Variants in MAGI1 observed in about 807,000 individuals in gnomAD.
MAGI1 encodes membrane associated guanylate kinase, WW and PDZ domain containing 1.
A neutral mutation model predicts 139.9 loss-of-function variants in MAGI1; 58 were observed. That is an observed-to-expected ratio of 0.41 (90% CI 0.34 to 0.52). The LOEUF (loss-of-function observed/expected upper bound fraction) is 0.52, where lower values mean the gene tolerates loss of function less well. Ranked by LOEUF, MAGI1 falls within the 20% of genes least tolerant of loss-of-function variation. The pLI is 0.12. For missense variants in MAGI1, 1,874 were observed against 1,901.6 expected, an observed-to-expected ratio of 0.99 and a Z score of 0.27; for synonymous variants, 812 against 737.9, an observed-to-expected ratio of 1.10 and a Z score of -1.63.
chr3:65,630,962 G>C (rs2084263304), intron 1 of MAGI1, among the ~76,000 whole-genome samples: 1 of 152,240 alleles, frequency 6.6e-6, no homozygotes, highest in Non-Finnish European at 1.5e-5. Flanking sequence ...ACAATGCACT[G>C]AGAGGATTTG....
At chr3:65,460,209 A>G (rs1437169667) in intron 5 of MAGI1, among the ~76,000 whole-genome samples, 3 of 152,220 alleles carry the variant, frequency 2.0e-5, no homozygotes, top group Admixed American at 2.0e-4. Flanking sequence ...TTATTTGAAT[A>G]CTGAGAAAGC....
rs150429178 is a variant in MAGI1 at position 65,461,767 on chromosome 3, C to T, written c.960-8427G>A. The stretch of plus-strand genomic sequence containing the variant: ...CCTCCCAAAGTACTGGGAATACAGG[C>T]GTGAGCCACCACGTCCAGCCTGTTT... On this transcript the variant is annotated intron_variant, in intron 5 of 22. Coordinates refer to ENST00000402939, the MANE Select transcript of MAGI1 (RefSeq NM_001033057.2). Among the ~76,000 whole-genome samples, 161 of 152,250 alleles carry T rather than the reference C, an allele frequency of 1.1e-3. 7 individuals carry two copies. The South Asian group carries it at 0.019, about 18-fold the overall frequency.
At chr3:65,747,877 T>C (rs13325970) in intron 1 of MAGI1, among the ~76,000 whole-genome samples, 4,065 of 152,216 alleles carry the variant, frequency 0.027, 189 homozygotes, top group African/African-American at 0.093. Flanking sequence ...ACCACTGGCC[T>C]ACAGAAAGGC....
At chr3:65,612,734 G>A (rs2083186402) in intron 2 of MAGI1, among the ~76,000 whole-genome samples, 1 of 152,200 alleles carries the variant, frequency 6.6e-6, no homozygotes, top group South Asian at 2.1e-4. Flanking sequence ...GAACACATTT[G>A]ATACAAGGAA....
chr3:65,791,587 A>AT (rs1438569578), intron 1 of MAGI1, among the ~76,000 whole-genome samples: 9 of 152,296 alleles, frequency 5.9e-5, no homozygotes, highest in African/African-American at 2.2e-4. Flanking sequence ...GAATAAAAGA[A>AT]TGGGAGAGAA....
chr3:65,565,061 G>A (rs900076355), intron 2 of MAGI1, among the ~76,000 whole-genome samples: 1 of 152,142 alleles, frequency 6.6e-6, no homozygotes, highest in Non-Finnish European at 1.5e-5. Context: ...AACACGAATA[G>A]GCTCCAAAAC....
chr3:65,937,829 A>G (rs1214727444), intron 1 of MAGI1, among the ~76,000 whole-genome samples: 2 of 152,116 alleles, frequency 1.3e-5, no homozygotes, highest in African/African-American at 4.8e-5. Flanking sequence ...CCTAAGGGAC[A>G]TTGTTCTGTT....
At chr3:65,533,918 G>C (rs1391245724) in intron 2 of MAGI1, among the ~76,000 whole-genome samples, 1 of 152,114 alleles carries the variant, frequency 6.6e-6, no homozygotes, top group Non-Finnish European at 1.5e-5. Flanking sequence ...TATGGCTTAT[G>C]TAAATTCTAG....
In MAGI1 at chr3:65,355,205, G is replaced by A. The variant is rs1158992890; in HGVS notation, c.*1173C>T. The A allele has an allele frequency of 6.6e-6, 1 of 152,312 alleles. No individual in the cohort carries two copies. The highest frequency in any genetic ancestry group is 2.4e-5 in the African/African-American group (1 of 41,464). 9.4% of individuals were successfully genotyped at this position (152,312 alleles called of 1,614,324 possible). A position where few individuals can be genotyped will look rare whatever the true frequency, so the allele number is the denominator to read the frequency against. On this transcript the variant is annotated 3_prime_UTR_variant, in exon 23 of 23. Transcript: ENST00000402939. ...CTGTCCAAAGGACTCAAAGGACAGAGTCATGAGGCAGAAGTTTCCCAACCA... is the reference window on the plus strand; with the variant it reads ...CTGTCCAAAGGACTCAAAGGACAGAATCATGAGGCAGAAGTTTCCCAACCA...
At chr3:65,547,526 A>G (rs2079560729) in intron 2 of MAGI1, among the ~76,000 whole-genome samples, 1 of 152,056 alleles carries the variant, frequency 6.6e-6, no homozygotes, top group Non-Finnish European at 1.5e-5. Flanking sequence ...CTTTTTTGTC[A>G]CCTCAAGGTA....
chr3:65,610,368 C>T (rs931130293), intron 2 of MAGI1, among the ~76,000 whole-genome samples: 1 of 152,130 alleles, frequency 6.6e-6, no homozygotes, highest in Non-Finnish European at 1.5e-5. Context: ...TAGCTAGGGT[C>T]AGGCAGGCAA....
intron 1 of MAGI1, among the ~76,000 whole-genome samples, chr3:65,899,108 G>T (rs1314980133): frequency 6.6e-6 from 1 of 151,908 alleles, no homozygotes; most frequent in African/African-American, 2.4e-5. Flanking sequence ...TGTAGAGACG[G>T]GTTTCGCCAT....
At chr3:65,793,884 G>A (rs1456430387) in intron 1 of MAGI1, among the ~76,000 whole-genome samples, 2 of 152,204 alleles carry the variant, frequency 1.3e-5, no homozygotes, top group Non-Finnish European at 2.9e-5. Context: ...ATTTGATGCT[G>A]GTTCTTTGTA....
chr3:65,610,915 A>G (rs1347128642), intron 2 of MAGI1, among the ~76,000 whole-genome samples: 2 of 139,772 alleles, frequency 1.4e-5, no homozygotes, highest in Non-Finnish European at 3.1e-5. Flanking sequence ...TAGTATATAG[A>G]CACTATATAG....
At chr3:65,499,113 C>T in intron 2 of MAGI1, 1 of 808,632 alleles carries the variant, frequency 1.2e-6, no homozygotes, top group Non-Finnish European at 1.5e-6. Context: ...ATCTAGTCAA[C>T]TCCACGATTT....
chr3:65,925,270 T>C (rs2062438113), intron 1 of MAGI1: 1 of 152,246 alleles, frequency 6.6e-6, no homozygotes, highest in African/African-American at 2.4e-5. Context: ...TGGAAATAAA[T>C]TCCAAGGTAA....
chr3:65,750,645 C>A (rs1214006454), intron 1 of MAGI1, among the ~76,000 whole-genome samples: 1 of 152,202 alleles, frequency 6.6e-6, no homozygotes, highest in Non-Finnish European at 1.5e-5. Context: ...GAATAGCCTA[C>A]ATTTCCCTCA....
intron 1 of MAGI1, among the ~76,000 whole-genome samples, chr3:65,858,336 C>A (rs1371514776): frequency 6.6e-6 from 1 of 152,096 alleles, no homozygotes; most frequent in Non-Finnish European, 1.5e-5. Context: ...GATTTATAAA[C>A]ATAATGATTA....
chr3:65,957,520 C>CAAAAAAAAAAAAAAA (rs761240940), intron 1 of MAGI1, among the ~76,000 whole-genome samples: 1 of 31,042 alleles, frequency 3.2e-5, no homozygotes, highest in Non-Finnish European at 5.7e-5. Flanking sequence ...GACTTCATCT[C>CAAAAAAAAAAAAAAA]AAAAAAAAAA....
Sources: gnomAD v4.1 joint callset for allele counts (sites outside exome capture counted in the v4.1 genomes callset) on GRCh38, gnomAD v4.1.1 for gene constraint, MANE v1.5 for transcripts, NCBI Gene and HGNC (gene_info 2026-07-23, HGNC 2026-07-21) for gene names.